COLQ: variants seen among roughly 807,000 people sequenced by gnomAD.
COLQ encodes acetylcholinesterase collagenic tail peptide.
COLQ carries 48 observed loss-of-function variants against 69.0 expected under a neutral mutation model. That is an observed-to-expected ratio of 0.70 (90% CI 0.55 to 0.88). The LOEUF (loss-of-function observed/expected upper bound fraction) is 0.88, where lower values mean the gene tolerates loss of function less well. Among genes scored for constraint, COLQ ranks in the 40% least tolerant of loss-of-function variants. The pLI is 0.00. For synonymous variants in COLQ, 217 were observed against 211.2 expected, an observed-to-expected ratio of 1.03 and a Z score of -0.24; for missense variants, 618 against 594.6, an observed-to-expected ratio of 1.04 and a Z score of -0.41.
At chr3:15,455,196 G>C (rs1309069372) in intron 15 of COLQ, among the ~76,000 whole-genome samples, 1 of 152,194 alleles carries the variant, frequency 6.6e-6, no homozygotes, top group Admixed American at 6.5e-5. Context: ...CAAGGAAAGT[G>C]AGGCTCAGAG....
At chr3:15,468,043 C>T in intron 11 of COLQ, 1 of 446,164 alleles carries the variant, frequency 2.2e-6, no homozygotes, top group Admixed American at 2.4e-5. Flanking sequence ...GGAAGTCACA[C>T]ATCTTAATAT....
Position 15,477,842 on chromosome 3 carries a change from C to T in COLQ, c.394-645G>A, listed in dbSNP as rs907108187. Among the ~76,000 whole-genome samples, 6 of 152,316 alleles carry T rather than the reference C, an allele frequency of 3.9e-5. No individual in the cohort carries two copies. The East Asian group carries it at 1.2e-3, about 29-fold the overall frequency. ...ACCTTTGCCTGGCTTCTCCCATTCT[C>T]CCTACAGGTTCCTCCCGAGAGTGGT... On this transcript the variant is annotated intron_variant, in intron 5 of 16. Transcript: ENST00000383788.
chr3:15,500,285 T>C lies in COLQ; in HGVS notation c.107-10648A>G, dbSNP rs192493196. On this transcript the variant is annotated intron_variant, in intron 1 of 16. Coordinates refer to ENST00000383788, the MANE Select transcript of COLQ (RefSeq NM_005677.4). ...AGAAAGTAGCAATAAGGCCAGGGAG[T>C]CCTCAGTCCTGAGTCCTAGAGAGTT... 1.1e-3 allele frequency among the ~76,000 whole-genome samples: 164 copies of C among 152,092 alleles called. 1 individual carries two copies. Among genetic ancestry groups the C allele is most frequent in the African/African-American group, 3.8e-3 (157 of 41,480 alleles).
At chr3:15,471,259 T>C (rs1320141625) in intron 10 of COLQ, among the ~76,000 whole-genome samples, 1 of 152,242 alleles carries the variant, frequency 6.6e-6, no homozygotes, top group Non-Finnish European at 1.5e-5. Flanking sequence ...ATCTTCAATA[T>C]AATTATTGAA....
intron 11 of COLQ, chr3:15,468,016 G>T (rs2062226162): frequency 2.2e-6 from 1 of 454,664 alleles, no homozygotes. Context: ...AACCAAGCTG[G>T]GTCTCAGGAT....
chr3:15,454,722 C>G (rs541901518), intron 15 of COLQ, among the ~76,000 whole-genome samples: 1 of 148,288 alleles, frequency 6.7e-6, no homozygotes, highest in African/African-American at 2.5e-5. Flanking sequence ...GTGGTGCAAT[C>G]GCAGTTCACT....
chr3:15,486,581 T>C (rs1220710831), intron 3 of COLQ, among the ~76,000 whole-genome samples: 2 of 152,356 alleles, frequency 1.3e-5, no homozygotes, highest in African/African-American at 2.4e-5. Context: ...CCATGGGTTC[T>C]AGCATGCCTG....
intron 10 of COLQ, among the ~76,000 whole-genome samples, chr3:15,472,812 TTTTC>T (rs1380183796): frequency 6.6e-6 from 1 of 152,194 alleles, no homozygotes; most frequent in Non-Finnish European, 1.5e-5. Flanking sequence ...TACTGAATAT[TTTTC>T]TTTCTTTCTC....
At position 15,506,896 on chromosome 3, in the gene COLQ, T is replaced by G. The variant is rs1395259001; in HGVS notation, c.106+14624A>C. 3 of 152,236 alleles carry G rather than the reference T, an allele frequency of 2.0e-5. No individual in the cohort carries two copies. In the East Asian group the frequency reaches 5.8e-4, roughly 29 times the overall value. The allele number at this position is 152,236 out of a possible 1,614,324, so 9.4% of individuals were successfully genotyped here. ...AGCTGGGACTACAGGCACACACCAG[T>G]GCACCAGGCTTTTCACAGTATTTCT... is the stretch of plus-strand genomic sequence containing the variant. On this transcript the variant is annotated intron_variant, in intron 1 of 16. Transcript: ENST00000383788.
intron 15 of COLQ, among the ~76,000 whole-genome samples, chr3:15,455,019 C>T (rs1356954560): frequency 6.6e-6 from 1 of 151,884 alleles, no homozygotes; most frequent in African/African-American, 2.4e-5. Flanking sequence ...CACATCCAGC[C>T]CTGAGCCCCA....
At chr3:15,500,702 T>A (rs2062818503) in intron 1 of COLQ, among the ~76,000 whole-genome samples, 1 of 152,188 alleles carries the variant, frequency 6.6e-6, no homozygotes, top group African/African-American at 2.4e-5. Flanking sequence ...TTTCTCTGTC[T>A]CTGTGTCTCT....
chr3:15,458,199 G>T lies in COLQ; in HGVS notation c.941C>A (p.Pro314Gln). ...YGESVYGPSS[P>Q]RVPVIFVVNN... ...AGAAAGCCTTACCACAGGAACTCGC[G>T]GGGAACTGGGCCCATACACAGATTC... The change falls in exon 13 of 17, where the codon CCG (proline) becomes CAG (glutamine). Residue 314 changes from proline to glutamine, a missense_variant. Pro to Gln is a moderately conservative substitution (Grantham distance 76). Coordinates refer to ENST00000383788, the MANE Select transcript of COLQ (RefSeq NM_005677.4). 6.2e-7 allele frequency: 1 copy of T among 1,613,838 alleles called. No homozygotes were observed. Among genetic ancestry groups the T allele is most frequent in the Non-Finnish European group, 8.5e-7 (1 of 1,180,026 alleles).
At chr3:15,468,055 G>A in intron 11 of COLQ, 2 of 437,070 alleles carry the variant, frequency 4.6e-6, no homozygotes, top group Admixed American at 4.9e-5. Flanking sequence ...TCTTAATATA[G>A]CCACAGTTCA....
chr3:15,451,990 T>C (rs961165207), intron 16 of COLQ, among the ~76,000 whole-genome samples: 3 of 152,116 alleles, frequency 2.0e-5, no homozygotes, highest in Non-Finnish European at 4.4e-5. Flanking sequence ...CCAACAAAAA[T>C]GTCCTGTATC....
chr3:15,469,567 G>A (rs1166458330), intron 11 of COLQ, among the ~76,000 whole-genome samples: 4 of 152,136 alleles, frequency 2.6e-5, no homozygotes, highest in Admixed American at 1.3e-4. Flanking sequence ...TGGAGCCTGT[G>A]TTCTTTCTAA....
intron 4 of COLQ, 68 bp downstream of exon 4, chr3:15,479,270 G>A (rs1229181697): frequency 1.8e-5 from 28 of 1,515,362 alleles, no homozygotes; most frequent in Non-Finnish European, 2.5e-5. Flanking sequence ...GAAATTCTCA[G>A]TGGGATGCCC....
intron 1 of COLQ, 73 bp from the exon 2 acceptor site, chr3:15,489,710 G>T: frequency 1.5e-6 from 2 of 1,363,188 alleles, no homozygotes; most frequent in Non-Finnish European, 1.0e-6. Context: ...CGTGCCCAGG[G>T]AAGACCCATC....
chr3:15,456,712 T>C (rs2062031213), intron 13 of COLQ, 133 bp from the exon 14 acceptor site: 1 of 1,145,958 alleles, frequency 8.7e-7, no homozygotes, highest in African/African-American at 1.5e-5. Context: ...CACTACACTC[T>C]AGCATTCCTT....
chr3:15,466,424 T>A lies in COLQ; in HGVS notation c.731A>T (p.Asp244Val). The change falls in exon 12 of 17, where the codon GAT becomes GTT. Residue 244 changes from aspartate (D) to valine (V), a missense_variant. Physicochemically the swap from Asp to Val is radical, Grantham distance 152. Coordinates refer to ENST00000383788, the MANE Select transcript of COLQ (RefSeq NM_005677.4). Reference protein sequence around the residue: ...GKRGKQGQKGDSGVMGPPGKP... With the variant: ...GKRGKQGQKGVSGVMGPPGKP... ...GCCTGGTGGGCCCATAACTCCACTATCCCCTTTCTGTCCCTGACAGAGAGA... is the reference window on the plus strand; with the variant it reads ...GCCTGGTGGGCCCATAACTCCACTAACCCCTTTCTGTCCCTGACAGAGAGA... The A allele has an allele frequency of 6.2e-7, 1 of 1,614,016 alleles. No individual in the cohort carries two copies. The highest frequency in any genetic ancestry group is 8.5e-7 in the Non-Finnish European group (1 of 1,179,980).
Sources: gnomAD v4.1 joint callset for allele counts (sites outside exome capture counted in the v4.1 genomes callset) on GRCh38, gnomAD v4.1.1 for gene constraint, MANE v1.5 for transcripts, NCBI Gene and HGNC (gene_info 2026-07-23, HGNC 2026-07-21) for gene names.